The following ANO3 variants were observed in gnomAD, a reference collection of about 807,000 sequenced individuals.
ANO3 encodes anoctamin 3, also known as anoctamin-3.
A neutral mutation model predicts 144.8 loss-of-function variants in ANO3; 99 were observed. The ratio of observed to expected loss-of-function variants is 0.68; its 90% CI spans 0.58 to 0.81. ANO3 has a LOEUF of 0.81. Ranked by LOEUF, ANO3 falls within the 30% of genes least tolerant of loss-of-function variation. The probability of loss-of-function intolerance (pLI) is 0.00; values close to 1 mark genes in which losing one functional copy is unlikely to be tolerated. For missense variants in ANO3, 905 were observed against 1,202.2 expected, an observed-to-expected ratio of 0.75 and a Z score of 3.66; for synonymous variants, 414 against 392.6, an observed-to-expected ratio of 1.05 and a Z score of -0.64.
At chr11:26,189,897 C>G (rs971175151) in intron 1 of ANO3, among the ~76,000 whole-genome samples, 1 of 152,084 alleles carries the variant, frequency 6.6e-6, no homozygotes, top group Non-Finnish European at 1.5e-5. Flanking sequence ...TGCTTAGAAT[C>G]TCACAGTTTT....
chr11:26,488,809 C>T (rs923100565), intron 4 of ANO3, among the ~76,000 whole-genome samples: 10 of 152,112 alleles, frequency 6.6e-5, no homozygotes, highest in Admixed American at 6.6e-5. Flanking sequence ...TCCACAGCCT[C>T]GAAAGGGACC....
intron 1 of ANO3, among the ~76,000 whole-genome samples, chr11:26,396,805 C>G (rs913918405): frequency 1.9e-4 from 29 of 151,118 alleles, no homozygotes; most frequent in Admixed American, 4.0e-4. Context: ...TGGTGGGGGA[C>G]TAGGGGAGGG....
intron 1 of ANO3, among the ~76,000 whole-genome samples, chr11:26,244,110 CTG>C (rs1038704402): frequency 1.5e-5 from 2 of 130,734 alleles, no homozygotes; most frequent in Non-Finnish European, 3.1e-5. Flanking sequence ...TAGCAAGACT[CTG>C]TCTGAAAAAA....
At chr11:26,447,530 G>A (rs1858747917) in intron 3 of ANO3, among the ~76,000 whole-genome samples, 1 of 152,188 alleles carries the variant, frequency 6.6e-6, no homozygotes, top group South Asian at 2.1e-4. Context: ...AAAGTGGTTA[G>A]TGATTTCCAA....
In ANO3 at chr11:26,569,340, A is replaced by C. The variant is rs560828035; in HGVS notation, c.1447+9561A>C. 5.0e-4 allele frequency among the ~76,000 whole-genome samples: 76 copies of C among 152,260 alleles called. No individual in the cohort carries two copies. In the South Asian group the frequency reaches 7.5e-3, roughly 15 times the overall value. The stretch of plus-strand genomic sequence containing the variant: ...GTTCAGTATGTTGTGAATACTATTA[A>C]ATATTTATGGTTTATTCAGAAATTT... On this transcript the variant is annotated intron_variant, in intron 14 of 26. Transcript: ENST00000256737.
intron 1 of ANO3, among the ~76,000 whole-genome samples, chr11:26,220,610 G>T (rs919281549): frequency 6.6e-6 from 1 of 152,186 alleles, no homozygotes; most frequent in Non-Finnish European, 1.5e-5. Flanking sequence ...AACCGTGAAG[G>T]CATTCTCATT....
chr11:26,651,263 A>C (rs1323832757), intron 24 of ANO3, among the ~76,000 whole-genome samples: 1 of 152,212 alleles, frequency 6.6e-6, no homozygotes, highest in Non-Finnish European at 1.5e-5. Flanking sequence ...AATGTAACAG[A>C]ATGAAAACGT....
In ANO3 at chr11:26,531,238, G is replaced by C. The variant is rs776262937; in HGVS notation, c.771G>C (p.Trp257Cys). Residue 257 changes from tryptophan (W) to cysteine (C), a missense_variant, in exon 8 of 27, where the codon TGG (tryptophan) becomes TGC (cysteine). Trp to Cys is a radical substitution (Grantham distance 215). Around this residue, in one of 4 missense-constraint regions of ANO3, gnomAD observed 71 missense variants for 57.9 expected, o/e 1.23. Coordinates refer to ENST00000256737, the MANE Select transcript of ANO3 (RefSeq NM_031418.4). ...CTTATTTTAGAAGAATCAAAAACTG[G>C]ATGGCCCAAAACCCAATGGTTCTTG... ...MQTYFRRIKN[W>C]MAQNPMVLDK... is the part of the protein sequence containing the mutation. The C allele has an allele frequency of 4.3e-6, 7 of 1,613,996 alleles. No individual in the cohort carries two copies. In the East Asian group the frequency reaches 1.3e-4, roughly 31 times the overall value.
At chr11:26,260,413 T>C (rs1853160095) in intron 1 of ANO3, among the ~76,000 whole-genome samples, 1 of 152,206 alleles carries the variant, frequency 6.6e-6, no homozygotes, top group South Asian at 2.1e-4. Context: ...AGAAGTTTTG[T>C]GATTTATCCT....
At chr11:26,224,869 A>G (rs1216867869) in intron 1 of ANO3, among the ~76,000 whole-genome samples, 2 of 152,152 alleles carry the variant, frequency 1.3e-5, no homozygotes, top group Non-Finnish European at 2.9e-5. Flanking sequence ...CAAGAGGAGG[A>G]AGAGCTTAGT....
chr11:26,648,338 C>T (rs561568275), intron 24 of ANO3, among the ~76,000 whole-genome samples: 9 of 152,140 alleles, frequency 5.9e-5, no homozygotes, highest in South Asian at 2.1e-4. Flanking sequence ...GTTTTAAGGA[C>T]GCAAAAAATC....
chr11:26,628,619 C>G (rs1852670265), intron 18 of ANO3, among the ~76,000 whole-genome samples: 1 of 152,166 alleles, frequency 6.6e-6, no homozygotes, highest in Non-Finnish European at 1.5e-5. Flanking sequence ...TAAGTTAAAC[C>G]TCAAAGTTAT....
intron 17 of ANO3, among the ~76,000 whole-genome samples, chr11:26,613,166 C>G (rs1852149909): frequency 6.6e-6 from 1 of 152,128 alleles, no homozygotes; most frequent in African/African-American, 2.4e-5. Flanking sequence ...TTTCATAAGT[C>G]TCATACACTT....
At chr11:26,383,398 G>C (rs757491620) in intron 1 of ANO3, among the ~76,000 whole-genome samples, 3 of 152,046 alleles carry the variant, frequency 2.0e-5, no homozygotes, top group Non-Finnish European at 4.4e-5. Context: ...GTCATGTTTA[G>C]CTGTGCATTT....
At chr11:26,470,114 A>G (rs1176076869) in intron 4 of ANO3, among the ~76,000 whole-genome samples, 1 of 151,866 alleles carries the variant, frequency 6.6e-6, no homozygotes, top group Admixed American at 6.6e-5. Context: ...AAGTTAGCCA[A>G]ATTTCTGGGT....
At chr11:26,601,445 G>A (rs1412600891) in intron 17 of ANO3, among the ~76,000 whole-genome samples, 2 of 152,114 alleles carry the variant, frequency 1.3e-5, no homozygotes, top group South Asian at 2.1e-4. Context: ...GTCCAGTTTA[G>A]TTTGTAGAAA....
intron 17 of ANO3, among the ~76,000 whole-genome samples, chr11:26,600,297 T>C (rs1288032860): frequency 5.5e-5 from 2 of 36,312 alleles, no homozygotes; most frequent in Admixed American, 7.9e-4. Context: ...CTCTCCCCTT[T>C]CCTCCCCTCT....
chr11:26,373,626 A>G (rs1185613151), intron 1 of ANO3, among the ~76,000 whole-genome samples: 1 of 152,190 alleles, frequency 6.6e-6, no homozygotes, highest in Non-Finnish European at 1.5e-5. Context: ...GATACTTCTT[A>G]CTTTTGTGAT....
chr11:26,194,726 G>A (rs1851550722), intron 1 of ANO3, among the ~76,000 whole-genome samples: 1 of 151,694 alleles, frequency 6.6e-6, no homozygotes, highest in Non-Finnish European at 1.5e-5. Flanking sequence ...CACCACACCT[G>A]GCTAATTTTT....
Sources: gnomAD v4.1 joint callset for allele counts (sites outside exome capture counted in the v4.1 genomes callset) on GRCh38, gnomAD v4.1.1 for gene constraint, gnomAD v4.1.1 regional missense constraint, MANE v1.5 for transcripts, NCBI Gene and HGNC (gene_info 2026-07-23, HGNC 2026-07-21) for gene names.